The following MLXIP variants were observed in gnomAD, a reference collection of about 807,000 sequenced individuals.
MLXIP encodes MLX interacting protein.
A neutral mutation model predicts 87.2 loss-of-function variants in MLXIP; 30 were observed. The observed-to-expected ratio is 0.34, with a 90% CI of 0.26 to 0.47. The LOEUF (loss-of-function observed/expected upper bound fraction) is 0.47. Among genes scored for constraint, MLXIP ranks in the 20% least tolerant of loss-of-function variants. MLXIP has a pLI of 1.00. For synonymous variants in MLXIP, 530 were observed against 514.0 expected, an observed-to-expected ratio of 1.03 and a Z score of -0.42; for missense variants, 1,002 against 1,240.1, an observed-to-expected ratio of 0.81 and a Z score of 2.88.
chr12:122,095,476 T>C (rs1308360039), intron 1 of MLXIP, among the ~76,000 whole-genome samples: 1 of 152,054 alleles, frequency 6.6e-6, no homozygotes, highest in African/African-American at 2.4e-5. Flanking sequence ...CAGATTCAAA[T>C]AGCGTTTGTA....
intron 1 of MLXIP, among the ~76,000 whole-genome samples, chr12:122,126,316 A>T (rs1593102859): frequency 1.3e-5 from 2 of 152,224 alleles, no homozygotes; most frequent in South Asian, 4.1e-4. Context: ...CAACAGGGAA[A>T]GGTGCTTGTG....
Position 122,133,585 on chromosome 12 carries a change from C to T in MLXIP, c.1330C>T (p.Pro444Ser). The change falls in exon 9 of 17, where the codon CCG becomes TCG. Residue 444 changes from proline (P) to serine (S), a missense_variant. Around this residue, in one of 3 missense-constraint regions of MLXIP, gnomAD observed 746 missense variants for 897.0 expected, o/e 0.83. Transcript: ENST00000319080. This position sits in a 1 kb window ranked among gnomAD's most constrained non-coding sequence, Gnocchi z 4.9. ...CCTGCTGTCTCCCAGCCCCGCCCCA[C>T]CGCCCATCTCCCCCGTGTTACCATT... ...MPLLSPSPAP[P>S]PISPVLPLVP... 6.2e-7 allele frequency: 1 copy of T among 1,606,658 alleles called. No individual in the cohort carries two copies. The highest frequency in any genetic ancestry group is 8.5e-7 in the Non-Finnish European group (1 of 1,176,668).
chr12:122,108,693 G>T (rs545336541), intron 1 of MLXIP, among the ~76,000 whole-genome samples: 1 of 152,102 alleles, frequency 6.6e-6, no homozygotes, highest in Non-Finnish European at 1.5e-5. Context: ...CTCCTGCAAG[G>T]CCTGTGTTTT....
At chr12:122,138,969 G>C in intron 15 of MLXIP, 31 bp downstream of exon 15, 2 of 1,612,270 alleles carry the variant, frequency 1.2e-6, no homozygotes, top group Non-Finnish European at 1.7e-6. Flanking sequence ...TGCTCTTCCC[G>C]GCCCTCAGCC....
intron 1 of MLXIP, among the ~76,000 whole-genome samples, chr12:122,118,821 GGTGACAGA>G (rs1421260980): frequency 1.3e-5 from 2 of 150,528 alleles, no homozygotes; most frequent in East Asian, 3.9e-4. Flanking sequence ...ACTCCAACCT[GGTGACAGA>G]GTGAGACTCC....
chr12:122,101,925 G>C (rs1170416465), intron 1 of MLXIP, among the ~76,000 whole-genome samples: 2 of 152,176 alleles, frequency 1.3e-5, no homozygotes, highest in Non-Finnish European at 2.9e-5. Flanking sequence ...TTTAGGATGT[G>C]AACCATTTTG....
chr12:122,141,350 G>T (rs2135996501), intron 16 of MLXIP, among the ~76,000 whole-genome samples: 1 of 152,332 alleles, frequency 6.6e-6, no homozygotes, highest in South Asian at 2.1e-4. Flanking sequence ...GGTGCCTTCA[G>T]GTGTGTTTTC....
At chr12:122,127,807 A>C (rs1051747638) in intron 2 of MLXIP, 76 bp from the exon 3 acceptor site, 18 of 1,149,392 alleles carry the variant, frequency 1.6e-5, no homozygotes, top group South Asian at 1.2e-5. Flanking sequence ...GCCCTAGGGG[A>C]GGGGTGCAGC....
Position 122,078,957 on chromosome 12 carries a change from CG to C in MLXIP, c.106del (p.Asp36MetfsTer98), listed in dbSNP as rs1419840828. 1 of 1,101,566 alleles carries C rather than the reference CG, an allele frequency of 9.1e-7. No individual in the cohort carries two copies. Among genetic ancestry groups the C allele is most frequent in the South Asian group, 2.9e-5 (1 of 34,228 alleles). 68.2% of individuals were successfully genotyped at this position (1,101,566 alleles called of 1,614,324 possible). On this transcript the variant is annotated frameshift_variant, in exon 1 of 17. Transcript: ENST00000319080. LOFTEE classifies it high-confidence loss of function. ...TCCGAGGACGACGACGACTCGGACA[CG>C]GATGAGCCGTCCCCGCCGCCCGCCT... is the stretch of plus-strand genomic sequence containing the variant. ...QVSEDDDDSD[T>X]DEPSPPPASG...
chr12:122,116,290 T>TA (rs943276873), intron 1 of MLXIP, among the ~76,000 whole-genome samples: 38 of 151,992 alleles, frequency 2.5e-4, no homozygotes, highest in African/African-American at 2.2e-4. Context: ...AGTTTTTTTT[T>TA]AATTTTATTA....
chr12:122,132,586 C>T (rs1953000504), intron 8 of MLXIP: 3 of 562,444 alleles, frequency 5.3e-6, no homozygotes, highest in Non-Finnish European at 6.3e-6. Context: ...GGGTGGGAGA[C>T]TCTTGGTCCA....
rs115812369 is a variant in MLXIP, at chr12:122,137,145, T to G, written c.2033-324T>G. ...TGAGACCTTGGCTCTATAAAAAATGTTTTTTAATTAAAAAATATAATAATA... is the reference window on the plus strand; with the variant it reads ...TGAGACCTTGGCTCTATAAAAAATGGTTTTTAATTAAAAAATATAATAATA... On this transcript the variant is annotated intron_variant, in intron 11 of 16. Coordinates refer to ENST00000319080, the MANE Select transcript of MLXIP (RefSeq NM_014938.6). The surrounding 1 kb of genome is among the most constrained non-coding windows in gnomAD (Gnocchi z 4.1). The G allele has an allele frequency of 0.019, 2,990 of 160,890 alleles. 106 individuals carry two copies. The highest frequency in any genetic ancestry group is 0.069 in the African/African-American group (2,869 of 41,854). 10.0% of individuals were successfully genotyped at this position (160,890 alleles called of 1,614,324 possible).
intron 1 of MLXIP, among the ~76,000 whole-genome samples, chr12:122,119,452 C>T (rs1308446677): frequency 6.6e-6 from 1 of 151,854 alleles, no homozygotes; most frequent in Admixed American, 6.6e-5. Flanking sequence ...AGTGCAATGG[C>T]GCAATCTCAG....
rs1414787158 is a variant in MLXIP, at chr12:122,114,761, G to GC, written c.414-12495_414-12494insC. On this transcript the variant is annotated intron_variant, in intron 1 of 16. Transcript: ENST00000319080. ...TCTTTTTTTTTTTTTTTTTTGGTGG[G>GC]GGGGGACAGGGTCTCACTCTGTTGC... is the stretch of plus-strand genomic sequence containing the variant. Among the ~76,000 whole-genome samples the GC allele has an allele frequency of 8.1e-5, 12 of 147,254 alleles. 1 individual carries two copies. Among genetic ancestry groups the GC allele is most frequent in the Middle Eastern group, 6.8e-3 (2 of 292 alleles).
At chr12:122,122,117 C>T (rs1348016596) in intron 1 of MLXIP, among the ~76,000 whole-genome samples, 3 of 152,082 alleles carry the variant, frequency 2.0e-5, no homozygotes, top group African/African-American at 7.2e-5. Context: ...GATTGCGTGT[C>T]TTGGGGGAAG....
chr12:122,116,437 C>T (rs28489901), intron 1 of MLXIP, among the ~76,000 whole-genome samples: 5 of 152,158 alleles, frequency 3.3e-5, no homozygotes, highest in African/African-American at 9.7e-5. Flanking sequence ...ACATGGCTAA[C>T]GCGCAGGTTT....
intron 1 of MLXIP, among the ~76,000 whole-genome samples, chr12:122,101,584 C>CTTTT (rs371090324): frequency 1.7e-5 from 2 of 119,020 alleles, no homozygotes; most frequent in Non-Finnish European, 3.3e-5. Flanking sequence ...CTTTTTTTTT[C>CTTTT]TTTTTTTTTT....
chr12:122,133,240 C>A lies in MLXIP; in HGVS notation c.1093-108C>A. ...TGGACGTGGAGACGTGGCCTTTGTCCCTCTGTCCCAGCGCCCGGCCTGTGT... is the reference window on the plus strand; with the variant it reads ...TGGACGTGGAGACGTGGCCTTTGTCACTCTGTCCCAGCGCCCGGCCTGTGT... On this transcript the variant is annotated intron_variant, in intron 8 of 16. Transcript: ENST00000319080. The surrounding 1 kb of genome is among the most constrained non-coding windows in gnomAD (Gnocchi z 4.9). The A allele has an allele frequency of 7.5e-7, 1 of 1,325,530 alleles. No individual in the cohort carries two copies. Among genetic ancestry groups the A allele is most frequent in the East Asian group, 2.4e-5 (1 of 42,080 alleles). 82.1% of individuals were successfully genotyped at this position (1,325,530 alleles called of 1,614,324 possible).
chr12:122,132,700 A>G, intron 8 of MLXIP: 3 of 299,144 alleles, frequency 1.0e-5, no homozygotes, highest in Non-Finnish European at 1.8e-5. Context: ...TGGATTACTA[A>G]TAAAAATAAC....
Sources: allele counts gnomAD v4.1 joint callset (sites outside exome capture counted in the v4.1 genomes callset), GRCh38; gene constraint gnomAD v4.1.1; regional missense constraint gnomAD v4.1.1; non-coding constraint Gnocchi (gnomAD v3.1); transcripts MANE v1.5; gene names NCBI Gene and HGNC (gene_info 2026-07-23, HGNC 2026-07-21).